CACNB2: variants seen among roughly 807,000 people sequenced by gnomAD.
The protein encoded by CACNB2 is voltage-dependent L-type calcium channel subunit beta-2.
Under a neutral mutation model 73.3 loss-of-function variants are expected in CACNB2, and 42 were observed. The observed-to-expected ratio is 0.57, with a 90% CI of 0.45 to 0.74. CACNB2 has a LOEUF of 0.74. Among genes scored for constraint, CACNB2 ranks in the 30% least tolerant of loss-of-function variants. The pLI is 0.00. For synonymous variants in CACNB2, 348 were observed against 310.3 expected (o/e 1.12, Z -1.28); for missense variants, 940 against 853.0 (o/e 1.10, Z -1.27).
Position 18,434,370 on chromosome 10 carries a change from G to A in CACNB2, c.333+32327G>A, listed in dbSNP as rs375285524. On this transcript the variant is annotated intron_variant, in intron 3 of 13. Transcript: ENST00000324631. ...AAAGGACTGAAGGAATAAAGTCAGAGAAACCTGCCAGTTCTCAGTGTAGCC... is the reference window on the plus strand; with the variant it reads ...AAAGGACTGAAGGAATAAAGTCAGAAAAACCTGCCAGTTCTCAGTGTAGCC... Among the ~76,000 whole-genome samples the A allele has an allele frequency of 5.9e-5, 9 of 152,238 alleles. No individual in the cohort carries two copies. The South Asian group carries it at 1.5e-3, about 25-fold the overall frequency.
intron 2 of CACNB2, among the ~76,000 whole-genome samples, chr10:18,343,957 A>C (rs78635048): frequency 3.4e-3 from 521 of 152,236 alleles, no homozygotes; most frequent in African/African-American, 0.012. Context: ...GTGGGCGTAA[A>C]CCTGAGACAA....
rs536563541 is a variant in CACNB2 at position 18,277,841 on chromosome 10, A to T, written c.214-124083A>T. ...CATCGCTTTCATTTTTTTCTTTTTT[A>T]AAAAATGGATTGCTTTTGATTCCTG... On this transcript the variant is annotated intron_variant, in intron 2 of 13. Transcript: ENST00000324631. Among the ~76,000 whole-genome samples, 370 of 152,202 alleles carry T rather than the reference A, an allele frequency of 2.4e-3. 5 individuals are homozygous for T. The highest frequency in any genetic ancestry group is 8.7e-3 in the African/African-American group (362 of 41,548).
chr10:18,503,411 A>G (rs1030613456), intron 5 of CACNB2, among the ~76,000 whole-genome samples: 5 of 152,230 alleles, frequency 3.3e-5, no homozygotes, highest in South Asian at 2.1e-4. Context: ...AGCCTGGTCA[A>G]TATGGTGAAA....
chr10:18,406,552 A>G (rs949842985), intron 3 of CACNB2, among the ~76,000 whole-genome samples: 21 of 152,256 alleles, frequency 1.4e-4, no homozygotes, highest in African/African-American at 5.1e-4. Context: ...CGCACTCCTT[A>G]TGAGAGTCTA....
intron 2 of CACNB2, among the ~76,000 whole-genome samples, chr10:18,176,575 G>T (rs567386133): frequency 6.6e-6 from 1 of 151,662 alleles, no homozygotes; most frequent in African/African-American, 2.4e-5. Context: ...AATTCCTATA[G>T]TTGAGCAATA....
intron 2 of CACNB2, among the ~76,000 whole-genome samples, chr10:18,175,382 G>C (rs879766476): frequency 6.6e-6 from 1 of 152,122 alleles, no homozygotes. Flanking sequence ...TTACTTTGTC[G>C]CATATAAAAT....
chr10:18,203,143 A>T (rs1482053139), intron 2 of CACNB2, among the ~76,000 whole-genome samples: 1 of 152,192 alleles, frequency 6.6e-6, no homozygotes, highest in Non-Finnish European at 1.5e-5. Flanking sequence ...CAGCATCTAG[A>T]TCCAATTCTT....
chr10:18,365,742 G>T lies in CACNB2; in HGVS notation c.214-36182G>T, dbSNP rs187600327. Among the ~76,000 whole-genome samples, 677 of 152,224 alleles carry T rather than the reference G, an allele frequency of 4.4e-3. 4 individuals carry two copies. Among genetic ancestry groups the T allele is most frequent in the African/African-American group, 0.016 (648 of 41,542 alleles). The stretch of plus-strand genomic sequence containing the variant: ...GCTTAGTGTATACTACCTGAATGTT[G>T]AAAAAGAGAGCCTCCATTATTCCTT... On this transcript the variant is annotated intron_variant, in intron 2 of 13. Transcript: ENST00000324631.
At chr10:18,443,599 GT>G (rs2046583463) in intron 3 of CACNB2, among the ~76,000 whole-genome samples, 1 of 152,096 alleles carries the variant, frequency 6.6e-6, no homozygotes, top group Non-Finnish European at 1.5e-5. Flanking sequence ...TTCTCCAGAG[GT>G]TGAGAATCCT....
chr10:18,142,540 C>T (rs1268767006), intron 1 of CACNB2, among the ~76,000 whole-genome samples: 1 of 152,140 alleles, frequency 6.6e-6, no homozygotes, highest in Non-Finnish European at 1.5e-5. Flanking sequence ...TATTCGAGTC[C>T]TCCATCAAAG....
chr10:18,319,429 C>G (rs868726060), intron 2 of CACNB2, among the ~76,000 whole-genome samples: 1 of 151,710 alleles, frequency 6.6e-6, no homozygotes, highest in Admixed American at 6.6e-5. Context: ...GGGGACCAAC[C>G]CACACCAGGG....
At chr10:18,467,351 A>T (rs1177636596) in intron 3 of CACNB2, among the ~76,000 whole-genome samples, 1 of 152,216 alleles carries the variant, frequency 6.6e-6, no homozygotes, top group Admixed American at 6.5e-5. Context: ...TCACACTTGA[A>T]GACTGTCTGT....
intron 7 of CACNB2, among the ~76,000 whole-genome samples, chr10:18,517,456 A>G (rs1283967284): frequency 6.6e-6 from 1 of 152,158 alleles, no homozygotes; most frequent in Admixed American, 6.6e-5. Flanking sequence ...TTGCTACAAA[A>G]TTTAGCTCCT....
At chr10:18,283,420 C>G (rs1300568078) in intron 2 of CACNB2, among the ~76,000 whole-genome samples, 3 of 152,134 alleles carry the variant, frequency 2.0e-5, no homozygotes, top group Non-Finnish European at 4.4e-5. Flanking sequence ...GGAACCAACC[C>G]TTATGTCCAC....
chr10:18,165,929 T>A (rs1046039330), intron 2 of CACNB2, among the ~76,000 whole-genome samples: 11 of 152,190 alleles, frequency 7.2e-5, no homozygotes, highest in Non-Finnish European at 1.5e-4. Flanking sequence ...GAGTTGTAAG[T>A]TTCTGGGTCC....
intron 6 of CACNB2, among the ~76,000 whole-genome samples, chr10:18,511,308 G>A (rs181885331): frequency 3.2e-4 from 49 of 152,190 alleles, no homozygotes; most frequent in African/African-American, 1.0e-3. Context: ...ACAATGGCAG[G>A]TATTCACTCC....
In CACNB2 at chr10:18,232,664, T is replaced by TA. The variant is rs538963443; in HGVS notation, c.213+81693dup. On this transcript the variant is annotated intron_variant, in intron 2 of 13. Transcript: ENST00000324631. ...TGAGCCACGTTATGTCAGCTGTGCG[T>TA]AAAATTTGCTATCATAAAAGATATG... is the stretch of plus-strand genomic sequence containing the variant. Among the ~76,000 whole-genome samples the TA allele has an allele frequency of 8.1e-4, 124 of 152,358 alleles. 1 individual carries two copies. The highest frequency in any genetic ancestry group is 6.8e-3 in the Middle Eastern group (2 of 294).
At chr10:18,355,005 T>C (rs1011857567) in intron 2 of CACNB2, among the ~76,000 whole-genome samples, 6 of 152,234 alleles carry the variant, frequency 3.9e-5, no homozygotes, top group African/African-American at 7.2e-5. Context: ...CACAAAATTA[T>C]TTAAAATATC....
At chr10:18,365,162 G>A (rs2042298341) in intron 2 of CACNB2, among the ~76,000 whole-genome samples, 1 of 152,094 alleles carries the variant, frequency 6.6e-6, no homozygotes, top group Non-Finnish European at 1.5e-5. Context: ...ACTTACTCTT[G>A]TCTCATTTTT....
Sources: gnomAD v4.1 joint callset for allele counts (sites outside exome capture counted in the v4.1 genomes callset) on GRCh38, gnomAD v4.1.1 for gene constraint, MANE v1.5 for transcripts, NCBI Gene and HGNC (gene_info 2026-07-23, HGNC 2026-07-21) for gene names.